Variants in STK31 observed in about 807,000 individuals in gnomAD.
The protein encoded by STK31 is serine/threonine kinase 31.
STK31 carries 89 observed loss-of-function variants against 129.7 expected under a neutral mutation model. The ratio of observed to expected loss-of-function variants is 0.69; its 90% CI spans 0.58 to 0.82. The LOEUF (loss-of-function observed/expected upper bound fraction) is 0.82. STK31 is among the 40% of genes least tolerant of loss of function. The pLI is 0.00. For synonymous variants in STK31, 448 were observed against 395.3 expected, an observed-to-expected ratio of 1.13 and a Z score of -1.58; for missense variants, 1,187 against 1,176.4, an observed-to-expected ratio of 1.01 and a Z score of -0.13.
At chr7:23,777,451 G>T (rs1391881206) in intron 15 of STK31, among the ~76,000 whole-genome samples, 1 of 152,226 alleles carries the variant, frequency 6.6e-6, no homozygotes, top group South Asian at 2.1e-4. Flanking sequence ...CACTATTATT[G>T]TGTGGGAGTC....
intron 10 of STK31, among the ~76,000 whole-genome samples, chr7:23,758,477 A>G (rs1205161124): frequency 1.4e-5 from 2 of 147,946 alleles, no homozygotes; most frequent in South Asian, 2.1e-4. Flanking sequence ...GTCTCCTTCA[A>G]TTCTTCTCTG....
At chr7:23,717,423 C>T (rs999549155) in intron 3 of STK31, 58 bp from the exon 4 acceptor site, 423 of 1,208,270 alleles carry the variant, frequency 3.5e-4, no homozygotes, top group Admixed American at 9.1e-4. Flanking sequence ...AACCCTCAAG[C>T]GTGTAACACT....
chr7:23,746,998 G>A (rs1255319409), intron 8 of STK31, among the ~76,000 whole-genome samples: 2 of 152,056 alleles, frequency 1.3e-5, no homozygotes, highest in African/African-American at 4.8e-5. Context: ...CTGTTTGTAA[G>A]TGGATCTGTG....
At chr7:23,727,499 G>C in intron 5 of STK31, 184 bp downstream of exon 5, 1 of 447,934 alleles carries the variant, frequency 2.2e-6, no homozygotes, top group Non-Finnish European at 4.1e-6. Context: ...GATTATTCAA[G>C]AATAGATTAT....
At position 23,769,501 on chromosome 7, in the gene STK31, T is replaced by C. The variant is rs921379258; in HGVS notation, c.1597-139T>C. ...TTTCAGTGCATAAATTTTATGAGGGTAGGCACTTTTTTTTCCTGCATTCCT... is the reference window on the plus strand; with the variant it reads ...TTTCAGTGCATAAATTTTATGAGGGCAGGCACTTTTTTTTCCTGCATTCCT... On this transcript the variant is annotated intron_variant, in intron 12 of 23. Transcript: ENST00000355870. The C allele has an allele frequency of 5.1e-6, 3 of 589,140 alleles. No homozygotes were observed. The African/African-American group carries it at 5.6e-5, about 11-fold the overall frequency. The allele number at this position is 589,140 out of a possible 1,614,324, so 36.5% of individuals were successfully genotyped here. A position where few individuals can be genotyped will look rare whatever the true frequency, so the allele number is the denominator to read the frequency against.
At chr7:23,795,215 G>A (rs911363008) in intron 22 of STK31, among the ~76,000 whole-genome samples, 1 of 152,196 alleles carries the variant, frequency 6.6e-6, no homozygotes, top group Non-Finnish European at 1.5e-5. Context: ...GCAGCCTTCA[G>A]ACATGGTGCC....
Position 23,754,365 on chromosome 7 carries a change from A to C in STK31, c.1184A>C (p.Gln395Pro), listed in dbSNP as rs1272404667. The C allele has an allele frequency of 2.5e-6, 4 of 1,614,032 alleles. No individual in the cohort carries two copies. In the East Asian group the frequency reaches 6.7e-5, roughly 27 times the overall value. ...GGAAAAGACCTTTCAGATGCTATAC[A>C]AGTGTTGGATGAAGGGTGCTTTACT... Reference protein sequence around the residue: ...RFGKDLSDAIQVLDEGCFTTP... With the variant: ...RFGKDLSDAIPVLDEGCFTTP... The change falls in exon 10 of 24, where the codon CAA (glutamine) becomes CCA (proline). Residue 395 changes from glutamine to proline, a missense_variant. Gln to Pro is a moderately conservative substitution (Grantham distance 76). Around this residue, in one of 5 missense-constraint regions of STK31, gnomAD observed 975 missense variants for 934.9 expected, o/e 1.04. Coordinates refer to ENST00000355870, the MANE Select transcript of STK31 (RefSeq NM_031414.5).
At chr7:23,724,055 A>C (rs902842191) in intron 4 of STK31, among the ~76,000 whole-genome samples, 3 of 152,240 alleles carry the variant, frequency 2.0e-5, no homozygotes, top group Non-Finnish European at 2.9e-5. Flanking sequence ...TGCAAGAATC[A>C]AAAGAAGCAA....
chr7:23,712,318 A>G (rs764261211), intron 3 of STK31, 32 bp downstream of exon 3: 5 of 1,608,854 alleles, frequency 3.1e-6, no homozygotes, highest in Admixed American at 3.3e-5. Flanking sequence ...ATCCCCCCTC[A>G]CCTCCCCCAA....
At chr7:23,737,244 AATC>A (rs1161921520) in intron 8 of STK31, among the ~76,000 whole-genome samples, 166 bp downstream of exon 8, 1 of 152,160 alleles carries the variant, frequency 6.6e-6, no homozygotes, top group African/African-American at 2.4e-5. Context: ...ACTCCAGACT[AATC>A]ATCTTTGGAT....
Position 23,832,423 on chromosome 7 carries a change from A to G in STK31, c.*57A>G. 1 of 1,216,692 alleles carries G rather than the reference A, an allele frequency of 8.2e-7. No homozygotes were observed. The highest frequency in any genetic ancestry group is 1.5e-5 in the African/African-American group (1 of 65,642). The allele number at this position is 1,216,692 out of a possible 1,614,324, so 75.4% of individuals were successfully genotyped here. ...TTAAAAACTTTGGTTTGGTTAATAC[A>G]CAGAAATATCTAGAAATGTTCTGGG... On this transcript the variant is annotated 3_prime_UTR_variant, in exon 24 of 24. Coordinates refer to ENST00000355870, the MANE Select transcript of STK31 (RefSeq NM_031414.5).
chr7:23,716,274 C>T (rs1290825809), intron 3 of STK31, among the ~76,000 whole-genome samples: 1 of 152,092 alleles, frequency 6.6e-6, no homozygotes, highest in Non-Finnish European at 1.5e-5. Flanking sequence ...AATAGATTAG[C>T]AAGAGTTCCA....
At chr7:23,777,428 T>C (rs1275055070) in intron 15 of STK31, among the ~76,000 whole-genome samples, 2 of 152,048 alleles carry the variant, frequency 1.3e-5, no homozygotes, top group Non-Finnish European at 2.9e-5. Context: ...GACAGTAGGG[T>C]GTTAAAGTCT....
At chr7:23,711,123 A>G (rs954028984) in intron 1 of STK31, among the ~76,000 whole-genome samples, 7 of 152,148 alleles carry the variant, frequency 4.6e-5, no homozygotes, top group African/African-American at 1.2e-4. Context: ...AAACTTTAGT[A>G]TAGTGGTGTT....
intron 12 of STK31, 46 bp downstream of exon 12, chr7:23,769,220 A>T: frequency 6.9e-7 from 1 of 1,452,708 alleles, no homozygotes; most frequent in Non-Finnish European, 9.1e-7. Context: ...TAAACCAGGG[A>T]ATATATATTT....
intron 10 of STK31, among the ~76,000 whole-genome samples, chr7:23,756,443 C>G (rs1208977526): frequency 6.6e-6 from 1 of 152,176 alleles, no homozygotes; most frequent in African/African-American, 2.4e-5. Flanking sequence ...CGTCTGCAAA[C>G]AGACAACTTG....
At chr7:23,806,387 T>C (rs1220153298) in intron 22 of STK31, among the ~76,000 whole-genome samples, 2 of 152,210 alleles carry the variant, frequency 1.3e-5, no homozygotes, top group African/African-American at 4.8e-5. Context: ...CCATATGCTG[T>C]CCTTTCTTGA....
At chr7:23,822,682 C>G (rs1160137386) in intron 23 of STK31, among the ~76,000 whole-genome samples, 1 of 152,074 alleles carries the variant, frequency 6.6e-6, no homozygotes, top group Non-Finnish European at 1.5e-5. Flanking sequence ...ACACATGTGC[C>G]ATGTTGGTGT....
At chr7:23,715,309 C>T (rs535440604) in intron 3 of STK31, among the ~76,000 whole-genome samples, 2 of 152,204 alleles carry the variant, frequency 1.3e-5, no homozygotes, top group East Asian at 3.9e-4. Context: ...TTTGACTCCA[C>T]CTGTTTCTTT....
Sources: gnomAD v4.1 joint callset for allele counts (sites outside exome capture counted in the v4.1 genomes callset) on GRCh38, gnomAD v4.1.1 for gene constraint, gnomAD v4.1.1 regional missense constraint, MANE v1.5 for transcripts, NCBI Gene and HGNC (gene_info 2026-07-23, HGNC 2026-07-21) for gene names.